WWOX: variants seen among roughly 807,000 people sequenced by gnomAD.
The protein encoded by WWOX is WW domain-containing oxidoreductase.
WWOX carries 69 observed loss-of-function variants against 46.2 expected under a neutral mutation model. That is an observed-to-expected ratio of 1.49 (90% CI 1.23 to 1.82). The LOEUF is 1.82. Ranked by LOEUF, WWOX falls within the 40% of genes most tolerant of loss-of-function variation. The pLI is 0.00. For synonymous variants in WWOX, 359 were observed against 202.6 expected (o/e 1.77, Z -6.56); for missense variants, 919 against 542.6 (o/e 1.69, Z -6.89).
At chr16:78,776,103 G>A (rs1350658392) in intron 8 of WWOX, among the ~76,000 whole-genome samples, 1 of 152,196 alleles carries the variant, frequency 6.6e-6, no homozygotes, top group Non-Finnish European at 1.5e-5. Context: ...TCCAAACTTA[G>A]AAGATACTGG....
At chr16:78,549,779 C>A (rs540983645) in intron 8 of WWOX, among the ~76,000 whole-genome samples, 2 of 152,114 alleles carry the variant, frequency 1.3e-5, no homozygotes, top group Admixed American at 6.5e-5. Context: ...GTAAGATGAA[C>A]GTCTTAGATG....
chr16:79,141,485 G>A (rs1661620882), intron 8 of WWOX, among the ~76,000 whole-genome samples: 1 of 152,190 alleles, frequency 6.6e-6, no homozygotes, highest in South Asian at 2.1e-4. Context: ...TCACAGACCT[G>A]TCAACATGAA....
intron 8 of WWOX, among the ~76,000 whole-genome samples, chr16:79,162,022 C>A (rs1744445590): frequency 6.6e-6 from 1 of 152,166 alleles, no homozygotes; most frequent in Admixed American, 6.5e-5. Flanking sequence ...CACCTGTCTC[C>A]CAGATCTGTC....
At chr16:78,942,837 A>G (rs1320938380) in intron 8 of WWOX, among the ~76,000 whole-genome samples, 2 of 152,176 alleles carry the variant, frequency 1.3e-5, no homozygotes, top group East Asian at 1.9e-4. Context: ...TGAATTCCAA[A>G]TCCCGTGGCT....
At chr16:78,592,731 A>G (rs2151604642) in intron 8 of WWOX, among the ~76,000 whole-genome samples, 1 of 152,344 alleles carries the variant, frequency 6.6e-6, no homozygotes, top group South Asian at 2.1e-4. Flanking sequence ...ATTCTTCCAC[A>G]TAAAACAACA....
intron 8 of WWOX, among the ~76,000 whole-genome samples, chr16:78,632,647 C>G (rs561494678): frequency 6.7e-6 from 1 of 149,050 alleles, no homozygotes; most frequent in Non-Finnish European, 1.5e-5. Context: ...CAACCTCTGC[C>G]TCCCATATTC....
intron 5 of WWOX, among the ~76,000 whole-genome samples, chr16:78,333,693 T>C (rs1308625644): frequency 6.6e-6 from 1 of 152,216 alleles, no homozygotes; most frequent in Admixed American, 6.5e-5. Context: ...TATATGTTTG[T>C]ATATATGTAT....
chr16:78,317,906 C>G (rs1030559154), intron 5 of WWOX, among the ~76,000 whole-genome samples: 1 of 152,192 alleles, frequency 6.6e-6, no homozygotes, highest in African/African-American at 2.4e-5. Flanking sequence ...GAAGACATTG[C>G]TAATCCCCTC....
chr16:78,385,061 G>C (rs1169058206), intron 5 of WWOX, among the ~76,000 whole-genome samples: 1 of 151,870 alleles, frequency 6.6e-6, no homozygotes, highest in East Asian at 1.9e-4. Context: ...TTGAGCCCAG[G>C]AAGTGGAGGT....
intron 4 of WWOX, among the ~76,000 whole-genome samples, chr16:78,151,748 G>A (rs1266728881): frequency 6.6e-6 from 1 of 152,196 alleles, no homozygotes; most frequent in African/African-American, 2.4e-5. Context: ...TGTTAAAAAT[G>A]GAAGTAGCGT....
chr16:78,857,819 T>G (rs2052602077), intron 8 of WWOX, among the ~76,000 whole-genome samples: 1 of 152,162 alleles, frequency 6.6e-6, no homozygotes, highest in African/African-American at 2.4e-5. Context: ...GCATAAATTG[T>G]TTTTGGTTAT....
chr16:78,515,657 G>GGCCTCTCCTCGCA (rs1171814216), intron 8 of WWOX, among the ~76,000 whole-genome samples: 4 of 152,116 alleles, frequency 2.6e-5, no homozygotes, highest in African/African-American at 9.7e-5. Flanking sequence ...CTTTCTTGCC[G>GGCCTCTCCTCGCA]GCCTCTCCTC....
At chr16:78,281,722 T>C (rs1257267086) in intron 5 of WWOX, among the ~76,000 whole-genome samples, 3 of 152,150 alleles carry the variant, frequency 2.0e-5, no homozygotes, top group Non-Finnish European at 4.4e-5. Context: ...ATATTATTCT[T>C]TCCCCCCCGC....
chr16:78,522,405 T>G (rs1392958265), intron 8 of WWOX, among the ~76,000 whole-genome samples: 1 of 152,214 alleles, frequency 6.6e-6, no homozygotes, highest in Non-Finnish European at 1.5e-5. Context: ...TGTACACGGT[T>G]CTGGAAGCTC....
chr16:78,946,390 C>T (rs1490930172), intron 8 of WWOX, among the ~76,000 whole-genome samples: 1 of 152,000 alleles, frequency 6.6e-6, no homozygotes, highest in East Asian at 1.9e-4. Flanking sequence ...GGGGTTTCAC[C>T]ATGTTGGCCA....
intron 8 of WWOX, among the ~76,000 whole-genome samples, chr16:78,538,822 A>C (rs1295467867): frequency 6.6e-6 from 1 of 152,172 alleles, no homozygotes; most frequent in African/African-American, 2.4e-5. Context: ...AAAATATGTC[A>C]CCTGATATTG....
At chr16:78,981,196 T>C (rs2046674464) in intron 8 of WWOX, among the ~76,000 whole-genome samples, 1 of 152,182 alleles carries the variant, frequency 6.6e-6, no homozygotes, top group Admixed American at 6.5e-5. Flanking sequence ...CATGATGTCC[T>C]GGCTGTGTTA....
intron 8 of WWOX, among the ~76,000 whole-genome samples, chr16:78,953,419 A>G (rs1158832205): frequency 6.6e-6 from 1 of 152,098 alleles, no homozygotes; most frequent in Non-Finnish European, 1.5e-5. Flanking sequence ...AACCTAGTCA[A>G]ATTTGAAACC....
chr16:79,073,469 C>A (rs192774630), intron 8 of WWOX, among the ~76,000 whole-genome samples: 8 of 152,170 alleles, frequency 5.3e-5, no homozygotes, highest in Non-Finnish European at 7.4e-5. Context: ...CATGAGCCAC[C>A]GCGCCTGGCT....
Sources: allele counts gnomAD v4.1 joint callset (sites outside exome capture counted in the v4.1 genomes callset), GRCh38; gene constraint gnomAD v4.1.1; transcripts MANE v1.5; gene names NCBI Gene and HGNC (gene_info 2026-07-23, HGNC 2026-07-21).